DENND2B: variants seen among roughly 807,000 people sequenced by gnomAD.
DENND2B encodes DENN domain containing 2B.
Under a neutral mutation model 116.0 loss-of-function variants are expected in DENND2B, and 32 were observed. The ratio of observed to expected loss-of-function variants is 0.28; its 90% confidence interval spans 0.21 to 0.37. The LOEUF is 0.37. Ranked by LOEUF, DENND2B falls within the 10% of genes least tolerant of loss-of-function variation. DENND2B has a pLI of 1.00. For synonymous variants in DENND2B, 588 were observed against 583.9 expected, an observed-to-expected ratio of 1.01 and a Z score of -0.10; for missense variants, 1,276 against 1,477.7, an observed-to-expected ratio of 0.86 and a Z score of 2.24.
chr11:8,763,312 T>G (rs1340596940), intron 1 of DENND2B, among the ~76,000 whole-genome samples: 1 of 152,156 alleles, frequency 6.6e-6, no homozygotes, highest in Non-Finnish European at 1.5e-5. Context: ...TACTACCACT[T>G]TGGAATAACG....
At chr11:8,871,257 G>C (rs2063775286) in intron 1 of DENND2B, 3 of 152,072 alleles carry the variant, frequency 2.0e-5, no homozygotes, top group Non-Finnish European at 2.9e-5. Context: ...GAGGGAGGGT[G>C]GGGGACAGGG....
chr11:8,804,229 C>A (rs1428146613), intron 1 of DENND2B, among the ~76,000 whole-genome samples: 1 of 152,192 alleles, frequency 6.6e-6, no homozygotes, highest in African/African-American at 2.4e-5. Flanking sequence ...ACCTTCCTAA[C>A]GTGTAGGCCA....
intron 17 of DENND2B, 127 bp from the exon 18 acceptor site, chr11:8,696,793 C>A: frequency 7.0e-7 from 1 of 1,431,664 alleles, no homozygotes; most frequent in Non-Finnish European, 9.4e-7. Context: ...GTTCTGGAAG[C>A]TCTTTTTGAG....
Position 8,730,071 on chromosome 11 carries a change from T to C in DENND2B, c.1219A>G (p.Ser407Gly). ...GTGGGTGAAGGAGGTAGACCATTAC[T>C]GGGCTTACTCTTGGGGTTCTTGTCA... ...EADKNPKSKP[S>G]NGLPPSPTPA... The change falls in exon 3 of 20, where the codon AGT becomes GGT. Residue 407 changes from serine (S) to glycine (G), a missense_variant. By Grantham distance (56) the Ser-to-Gly change is moderately conservative. Around this residue, in one of 2 missense-constraint regions of DENND2B, gnomAD observed 856 missense variants for 846.6 expected, o/e 1.01. Coordinates refer to ENST00000313726, the MANE Select transcript of DENND2B (RefSeq NM_213618.2). This position sits in a 1 kb window ranked among gnomAD's most constrained non-coding sequence, Gnocchi z 4.1. 3 of 1,614,184 alleles carry C rather than the reference T, an allele frequency of 1.9e-6. No homozygotes were observed. Among genetic ancestry groups the C allele is most frequent in the Non-Finnish European group, 2.5e-6 (3 of 1,180,022 alleles).
intron 1 of DENND2B, among the ~76,000 whole-genome samples, chr11:8,773,820 C>T (rs1348346002): frequency 6.6e-6 from 1 of 152,066 alleles, no homozygotes; most frequent in Non-Finnish European, 1.5e-5. Context: ...TAATGGCTTG[C>T]AGGGTCTATG....
rs1437614808 is a variant in DENND2B at position 8,715,701 on chromosome 11, G to T, written c.1747C>A (p.Gln583Lys). The part of the protein sequence containing the change: ...HSHDDMLLLA[Q>K]LSLPSSPSSL... ...GAGGGTGAGGACGGCAGACTCAGCT[G>T]AGCCAGCAGCAGCATGTCGTCATGG... The change falls in exon 6 of 20, where the codon CAG becomes AAG. Residue 583 changes from glutamine (Q) to lysine (K), a missense_variant. Transcript: ENST00000313726. 1.2e-6 allele frequency: 2 copies of T among 1,614,254 alleles called. No homozygotes were observed. Among genetic ancestry groups the T allele is most frequent in the South Asian group, 2.2e-5 (2 of 91,080 alleles).
intron 2 of DENND2B, among the ~76,000 whole-genome samples, chr11:8,740,249 G>A (rs1467782618): frequency 1.3e-5 from 2 of 151,754 alleles, no homozygotes; most frequent in Non-Finnish European, 2.9e-5. Flanking sequence ...GTATGTGTGC[G>A]CATGCACATA....
chr11:8,728,637 T>C (rs967878500), intron 3 of DENND2B, among the ~76,000 whole-genome samples: 4 of 152,236 alleles, frequency 2.6e-5, no homozygotes, highest in Non-Finnish European at 5.9e-5. Flanking sequence ...CTTTTGGCTC[T>C]TCTAAATTTA....
intron 19 of DENND2B, chr11:8,694,696 T>C (rs1196320003): frequency 2.2e-6 from 1 of 455,496 alleles, no homozygotes; most frequent in East Asian, 6.9e-5. Context: ...AAAAAATGGA[T>C]GGTGGTGTCT....
At chr11:8,839,245 G>C (rs1042242820) in intron 4 of DENND2B, 2 of 152,130 alleles carry the variant, frequency 1.3e-5, no homozygotes, top group Non-Finnish European at 2.9e-5. Context: ...TTTGCCGGGG[G>C]AACTGAAGAA....
At chr11:8,846,787 G>C (rs1304824827) in intron 3 of DENND2B, among the ~76,000 whole-genome samples, 1 of 152,084 alleles carries the variant, frequency 6.6e-6, no homozygotes, top group Non-Finnish European at 1.5e-5. Context: ...TACCAGAGGC[G>C]GCCTGCAATA....
intron 3 of DENND2B, among the ~76,000 whole-genome samples, chr11:8,847,029 G>A (rs1380188601): frequency 2.0e-5 from 3 of 152,170 alleles, no homozygotes; most frequent in African/African-American, 7.2e-5. Flanking sequence ...AAAATTAAAG[G>A]TTCATTATAT....
intron 3 of DENND2B, among the ~76,000 whole-genome samples, chr11:8,839,510 AG>A: frequency 6.6e-6 from 1 of 152,186 alleles, no homozygotes; most frequent in African/African-American, 2.4e-5. Flanking sequence ...GGAGTTCCAC[AG>A]AAGAGCAAAG....
chr11:8,832,351 T>C (rs1036805623), intron 4 of DENND2B, among the ~76,000 whole-genome samples: 1 of 151,014 alleles, frequency 6.6e-6, no homozygotes, highest in African/African-American at 2.4e-5. Context: ...ACTCGGGAGG[T>C]TGAGGCAGGA....
intron 3 of DENND2B, among the ~76,000 whole-genome samples, chr11:8,854,016 A>AT (rs71059187): frequency 0.017 from 1,071 of 62,658 alleles, 70 homozygotes; most frequent in Non-Finnish European, 0.023. Flanking sequence ...GCCCCAGTTA[A>AT]TTTTTTTTTT....
At chr11:8,851,585 A>G (rs1168126416) in intron 3 of DENND2B, among the ~76,000 whole-genome samples, 4 of 152,182 alleles carry the variant, frequency 2.6e-5, no homozygotes, top group Admixed American at 6.5e-5. Context: ...CTGGAGGGCA[A>G]TTTGGCTAAG....
At chr11:8,733,880 A>C (rs966422211) in intron 2 of DENND2B, among the ~76,000 whole-genome samples, 2 of 152,172 alleles carry the variant, frequency 1.3e-5, no homozygotes, top group Non-Finnish European at 2.9e-5. Flanking sequence ...CTCCCCTCTC[A>C]TGCAGCATAA....
At chr11:8,873,178 G>A (rs998077746), upstream of DENND2B, among the ~76,000 whole-genome samples, 4 of 152,096 alleles carry the variant, frequency 2.6e-5, no homozygotes, top group African/African-American at 7.2e-5. Flanking sequence ...CTAAAGTCCC[G>A]TTTTTCTTGT....
intron 1 of DENND2B, among the ~76,000 whole-genome samples, chr11:8,801,416 C>T (rs2060300101): frequency 6.6e-6 from 1 of 152,082 alleles, no homozygotes; most frequent in Admixed American, 6.5e-5. Context: ...GTGGCTCACG[C>T]CTATAATCCT....
Sources: gnomAD v4.1 joint callset for allele counts (sites outside exome capture counted in the v4.1 genomes callset) on GRCh38, gnomAD v4.1.1 for gene constraint, gnomAD v4.1.1 regional missense constraint, Gnocchi (gnomAD v3.1) non-coding constraint, MANE v1.5 for transcripts, NCBI Gene and HGNC (gene_info 2026-07-23, HGNC 2026-07-21) for gene names.